Variants in LHCGR observed in about 807,000 individuals in gnomAD.
LHCGR encodes the protein lutropin-choriogonadotropic hormone receptor.
Under a neutral mutation model 60.7 loss-of-function variants are expected in LHCGR, and 55 were observed. That is an observed-to-expected ratio of 0.91 (90% CI 0.73 to 1.13). The LOEUF is 1.13. LHCGR is among the 50% of genes most tolerant of loss of function. The pLI is 0.00. For synonymous variants in LHCGR, 337 were observed against 316.5 expected, an observed-to-expected ratio of 1.06 and a Z score of -0.69; for missense variants, 862 against 836.0, an observed-to-expected ratio of 1.03 and a Z score of -0.38.
chr2:48,690,345 T>C (rs1293406486), intron 10 of LHCGR, among the ~76,000 whole-genome samples: 1 of 152,222 alleles, frequency 6.6e-6, no homozygotes, highest in East Asian at 1.9e-4. Context: ...GCATGGCTCG[T>C]ACAGGCTGTG....
At chr2:48,711,065 G>A (rs866290264) in intron 7 of LHCGR, among the ~76,000 whole-genome samples, 17 of 152,224 alleles carry the variant, frequency 1.1e-4, no homozygotes, top group Middle Eastern at 6.8e-3. Context: ...TACCAACTTA[G>A]TTCCTTTTCC....
chr2:48,703,837 A>G (rs759725611), intron 8 of LHCGR, among the ~76,000 whole-genome samples: 2 of 152,164 alleles, frequency 1.3e-5, no homozygotes, highest in African/African-American at 2.4e-5. Flanking sequence ...CTGCAAACAG[A>G]GACAATTTGA....
chr2:48,703,998 C>T (rs907898040), intron 8 of LHCGR, among the ~76,000 whole-genome samples: 42 of 152,216 alleles, frequency 2.8e-4, no homozygotes, highest in African/African-American at 9.6e-4. Context: ...AGTTTTTGCC[C>T]ATTTGGTATG....
At chr2:48,754,862 C>T (rs1670134361) in intron 1 of LHCGR, among the ~76,000 whole-genome samples, 2 of 152,292 alleles carry the variant, frequency 1.3e-5, no homozygotes, top group Middle Eastern at 6.8e-3. Context: ...CTGATGTATA[C>T]AATCCCTCAA....
intron 1 of LHCGR, among the ~76,000 whole-genome samples, chr2:48,733,743 A>G (rs2103644570): frequency 6.6e-6 from 1 of 150,540 alleles, no homozygotes; most frequent in African/African-American, 2.4e-5. Flanking sequence ...ATCGAAAACC[A>G]TTTTCCCTAC....
chr2:48,711,616 A>G (rs1051481191), intron 7 of LHCGR, among the ~76,000 whole-genome samples: 3 of 151,820 alleles, frequency 2.0e-5, no homozygotes, highest in Admixed American at 6.6e-5. Flanking sequence ...TCCCTCCTAA[A>G]TTTCTGTTTT....
chr2:48,709,088 T>A (rs1434396473), intron 7 of LHCGR, 66 bp from the exon 8 acceptor site: 2 of 1,266,562 alleles, frequency 1.6e-6, no homozygotes, highest in Non-Finnish European at 2.3e-6. Context: ...TAGCTCCATA[T>A]ACACATGTTT....
intron 7 of LHCGR, among the ~76,000 whole-genome samples, chr2:48,709,789 C>T (rs576636822): frequency 4.2e-4 from 64 of 152,252 alleles, no homozygotes; most frequent in African/African-American, 1.4e-3. Flanking sequence ...TCTGGTCCTC[C>T]TAGGCAGCCT....
intron 9 of LHCGR, 33 bp from the exon 10 acceptor site, chr2:48,694,337 G>T: frequency 7.2e-7 from 1 of 1,380,550 alleles, no homozygotes; most frequent in Non-Finnish European, 1.0e-6. Context: ...AAGCATTTGA[G>T]CTTTTGGACT....
In LHCGR at chr2:48,708,997, C is replaced by G. The variant is rs934744634; in HGVS notation, c.631G>C (p.Glu211Gln). 10 of 1,614,002 alleles carry G rather than the reference C, an allele frequency of 6.2e-6. No individual in the cohort carries two copies. The highest frequency in any genetic ancestry group is 8.5e-6 in the Non-Finnish European group (10 of 1,179,970). Reference protein sequence around the residue: ...SLELKENVHLEKMHNGAFRGA... With the variant: ...SLELKENVHLQKMHNGAFRGA... ...CGGAAGGCTCCATTGTGCATCTTCT[C>G]CAGATGTACGTTTTCCTTTAGCTCC... is the stretch of plus-strand genomic sequence containing the variant. Residue 211 changes from glutamate (E) to glutamine (Q), a missense_variant, in exon 8 of 11, where the codon GAG (glutamate) becomes CAG (glutamine). Coordinates refer to ENST00000294954, the MANE Select transcript of LHCGR (RefSeq NM_000233.4).
intron 1 of LHCGR, among the ~76,000 whole-genome samples, chr2:48,732,495 C>T (rs945074904): frequency 7.2e-5 from 11 of 152,286 alleles, no homozygotes; most frequent in African/African-American, 2.4e-4. Context: ...TTGTGACCTT[C>T]TTTTACTCAC....
intron 2 of LHCGR, among the ~76,000 whole-genome samples, chr2:48,729,500 A>G (rs747919020): frequency 7.9e-5 from 12 of 152,210 alleles, no homozygotes; most frequent in Non-Finnish European, 1.8e-4. Context: ...TCTCTGACTC[A>G]GAGCCACAGA....
chr2:48,689,315 A>T (rs143710305), intron 10 of LHCGR, among the ~76,000 whole-genome samples: 112 of 152,240 alleles, frequency 7.4e-4, no homozygotes, highest in African/African-American at 2.7e-3. Flanking sequence ...AATCTAAAAT[A>T]ATCCTTTCTT....
chr2:48,730,811 C>G (rs1298968617), intron 2 of LHCGR, among the ~76,000 whole-genome samples: 1 of 152,144 alleles, frequency 6.6e-6, no homozygotes, highest in Non-Finnish European at 1.5e-5. Context: ...TTGTCATATA[C>G]TTATATTTTA....
intron 10 of LHCGR, among the ~76,000 whole-genome samples, chr2:48,693,936 GT>G (rs1463837586): frequency 1.3e-5 from 2 of 152,114 alleles, no homozygotes; most frequent in Non-Finnish European, 2.9e-5. Context: ...TCAGCCTTTG[GT>G]GACATCAACA....
At chr2:48,697,905 G>C (rs982583449) in intron 9 of LHCGR, among the ~76,000 whole-genome samples, 2 of 152,188 alleles carry the variant, frequency 1.3e-5, no homozygotes, top group African/African-American at 4.8e-5. Context: ...GTATCACTCA[G>C]CTTTATTTCT....
In LHCGR at chr2:48,754,603, G is replaced by C. The variant is rs956358926; in HGVS notation, c.161+908C>G. Among the ~76,000 whole-genome samples the C allele has an allele frequency of 9.1e-4, 132 of 145,588 alleles. 1 individual carries two copies. The highest frequency in any genetic ancestry group is 5.4e-3 in the South Asian group (24 of 4,418). The stretch of plus-strand genomic sequence containing the variant: ...TTTACAAAAATTTCACCACCCCCCC[G>C]CCCCAAGCCCATACCCACTGATTAG... On this transcript the variant is annotated intron_variant, in intron 1 of 10. Coordinates refer to ENST00000294954, the MANE Select transcript of LHCGR (RefSeq NM_000233.4).
intron 3 of LHCGR, 56 bp downstream of exon 3, chr2:48,729,097 C>G: frequency 7.6e-7 from 1 of 1,320,084 alleles, no homozygotes; most frequent in Non-Finnish European, 1.1e-6. Context: ...CAAGTGGGCT[C>G]CAGCCAGTGA....
At chr2:48,693,791 C>A (rs757386962) in intron 10 of LHCGR, among the ~76,000 whole-genome samples, 1 of 152,142 alleles carries the variant, frequency 6.6e-6, no homozygotes, top group African/African-American at 2.4e-5. Context: ...AGCTCAGGAG[C>A]ATAGTTGTCG....
Sources: gnomAD v4.1 joint callset for allele counts (sites outside exome capture counted in the v4.1 genomes callset) on GRCh38, gnomAD v4.1.1 for gene constraint, MANE v1.5 for transcripts, NCBI Gene and HGNC (gene_info 2026-07-23, HGNC 2026-07-21) for gene names.